PRKN: variants seen among roughly 807,000 people sequenced by gnomAD.
PRKN encodes parkin RBR E3 ubiquitin protein ligase.
PRKN carries 56 observed loss-of-function variants against 59.5 expected under a neutral mutation model. That is an observed-to-expected ratio of 0.94 (90% CI 0.76 to 1.18). PRKN has a LOEUF of 1.18. PRKN is among the 50% of genes most tolerant of loss of function. PRKN has a pLI of 0.00. For missense variants in PRKN, 657 were observed against 596.4 expected, an observed-to-expected ratio of 1.10 and a Z score of -1.06; for synonymous variants, 250 against 222.1, an observed-to-expected ratio of 1.13 and a Z score of -1.12.
chr6:161,770,608 C>T (rs1356736939), intron 7 of PRKN, among the ~76,000 whole-genome samples: 1 of 152,082 alleles, frequency 6.6e-6, no homozygotes, highest in Non-Finnish European at 1.5e-5. Flanking sequence ...GCTGGGATTA[C>T]AGGCGTGCAC....
chr6:162,473,189 T>C (rs1791842324), intron 1 of PRKN, among the ~76,000 whole-genome samples: 1 of 152,164 alleles, frequency 6.6e-6, no homozygotes, highest in Non-Finnish European at 1.5e-5. Context: ...CCTTTCCCTT[T>C]GCTAGGATGC....
intron 3 of PRKN, among the ~76,000 whole-genome samples, chr6:162,261,678 C>CTTG (rs2128099726): frequency 6.6e-6 from 1 of 152,258 alleles, no homozygotes; most frequent in East Asian, 1.9e-4. Flanking sequence ...CCACAATCAT[C>CTTG]TCAAGATCAC....
intron 7 of PRKN, among the ~76,000 whole-genome samples, chr6:161,569,880 C>T (rs1780804051): frequency 6.6e-6 from 1 of 152,068 alleles, no homozygotes; most frequent in Admixed American, 6.6e-5. Context: ...GGTCGGGTAG[C>T]TACACATCCA....
At chr6:162,101,544 C>A (rs1016802790) in intron 4 of PRKN, among the ~76,000 whole-genome samples, 1 of 151,656 alleles carries the variant, frequency 6.6e-6, no homozygotes, top group South Asian at 2.1e-4. Flanking sequence ...TGGTGGCGGG[C>A]GCCTGCAGTC....
At chr6:162,093,629 G>A (rs1311760669) in intron 4 of PRKN, among the ~76,000 whole-genome samples, 1 of 152,194 alleles carries the variant, frequency 6.6e-6, no homozygotes, top group East Asian at 1.9e-4. Flanking sequence ...TCTTGTCAGT[G>A]CGTGGGGTAG....
At chr6:161,835,686 C>T (rs1199661699) in intron 6 of PRKN, among the ~76,000 whole-genome samples, 4 of 152,208 alleles carry the variant, frequency 2.6e-5, no homozygotes, top group African/African-American at 9.6e-5. Flanking sequence ...CAAGTGCAAA[C>T]TTTGCTTGTA....
Position 161,576,948 on chromosome 6 carries a change from T to C in PRKN, c.872-7532A>G, listed in dbSNP as rs1336381900. On this transcript the variant is annotated intron_variant, in intron 7 of 11. Transcript: ENST00000366898. The surrounding 1 kb of genome is among the most constrained non-coding windows in gnomAD (Gnocchi z 4.6). ...TCATTTACAGAAAGTTTAGAGAATC[T>C]ATTAAACAATGTCGATGCACGCAAA... Among the ~76,000 whole-genome samples, 2 of 152,198 alleles carry C rather than the reference T, an allele frequency of 1.3e-5. No individual in the cohort carries two copies. The highest frequency in any genetic ancestry group is 4.8e-5 in the African/African-American group (2 of 41,452).
At chr6:161,995,000 G>T (rs918126718) in intron 5 of PRKN, among the ~76,000 whole-genome samples, 2 of 150,142 alleles carry the variant, frequency 1.3e-5, no homozygotes, top group African/African-American at 2.4e-5. Flanking sequence ...CTGGGCAAAA[G>T]AACAAAGCTG....
chr6:161,679,684 C>CGCCTTT (rs531559048), intron 7 of PRKN, among the ~76,000 whole-genome samples: 3 of 84,896 alleles, frequency 3.5e-5, no homozygotes, highest in Non-Finnish European at 4.8e-5. Flanking sequence ...ACCCCCCCCC[C>CGCCTTT]TTTTTTTTTT....
chr6:162,350,580 A>G (rs923754126), intron 2 of PRKN, among the ~76,000 whole-genome samples: 1 of 152,218 alleles, frequency 6.6e-6, no homozygotes, highest in Non-Finnish European at 1.5e-5. Context: ...CAGAATGAAT[A>G]GTCTTTTCAA....
chr6:162,332,295 C>T (rs1783619898), intron 2 of PRKN, among the ~76,000 whole-genome samples: 1 of 152,174 alleles, frequency 6.6e-6, no homozygotes, highest in Admixed American at 6.5e-5. Flanking sequence ...GCAGCTTCCC[C>T]TGCAGAAAGG....
At chr6:162,091,870 T>C (rs1370229334) in intron 4 of PRKN, among the ~76,000 whole-genome samples, 1 of 151,838 alleles carries the variant, frequency 6.6e-6, no homozygotes, top group Admixed American at 6.6e-5. Context: ...GAGCCGATTC[T>C]ACAAAAATTA....
At chr6:162,522,842 C>A (rs1261007139) in intron 1 of PRKN, among the ~76,000 whole-genome samples, 1 of 151,824 alleles carries the variant, frequency 6.6e-6, no homozygotes, top group Non-Finnish European at 1.5e-5. Context: ...TAACTTCAGA[C>A]TAAACAACAA....
chr6:162,071,942 T>C (rs1375163292), intron 4 of PRKN, among the ~76,000 whole-genome samples: 1 of 152,170 alleles, frequency 6.6e-6, no homozygotes, highest in African/African-American at 2.4e-5. Flanking sequence ...TCTTCATTTC[T>C]CCTAGTGTTT....
chr6:162,620,287 C>T (rs1335961286), intron 1 of PRKN, among the ~76,000 whole-genome samples: 2 of 152,098 alleles, frequency 1.3e-5, no homozygotes, highest in African/African-American at 2.4e-5. Context: ...AAATGAGGAA[C>T]TGCTGCGTAG....
chr6:162,258,717 T>C (rs1286117509), intron 3 of PRKN, among the ~76,000 whole-genome samples: 1 of 152,208 alleles, frequency 6.6e-6, no homozygotes, highest in Non-Finnish European at 1.5e-5. Flanking sequence ...TGTGCTTTTA[T>C]AGGTCCTCAG....
At chr6:162,273,747 T>C (rs1780490393) in intron 2 of PRKN, among the ~76,000 whole-genome samples, 1 of 152,294 alleles carries the variant, frequency 6.6e-6, no homozygotes, top group East Asian at 1.9e-4. Flanking sequence ...TACTCACCTA[T>C]CCAGAAGTTG....
chr6:161,780,193 G>A (rs766303771), intron 7 of PRKN, among the ~76,000 whole-genome samples: 2 of 152,180 alleles, frequency 1.3e-5, no homozygotes, highest in Non-Finnish European at 2.9e-5. Flanking sequence ...ACCTTGCCCT[G>A]TATTATGTAT....
chr6:161,756,929 T>C (rs1027313673), intron 7 of PRKN, among the ~76,000 whole-genome samples: 6 of 151,996 alleles, frequency 3.9e-5, no homozygotes, highest in South Asian at 4.2e-4. Context: ...AGAACAGAAA[T>C]AGACCCTCCA....
Sources: gnomAD v4.1 joint callset for allele counts (sites outside exome capture counted in the v4.1 genomes callset) on GRCh38, gnomAD v4.1.1 for gene constraint, Gnocchi (gnomAD v3.1) non-coding constraint, MANE v1.5 for transcripts, NCBI Gene and HGNC (gene_info 2026-07-23, HGNC 2026-07-21) for gene names.